SIPA1L3: variants seen among roughly 807,000 people sequenced by gnomAD.
The protein encoded by SIPA1L3 is signal induced proliferation associated 1 like 3.
In SIPA1L3, 59 loss-of-function variants were observed where a neutral mutation model predicts 150.1. That is an observed-to-expected ratio of 0.39 (90% CI 0.32 to 0.49). The LOEUF (loss-of-function observed/expected upper bound fraction) is 0.49. Among genes scored for constraint, SIPA1L3 ranks in the 20% least tolerant of loss-of-function variants. The pLI is 0.86. For missense variants in SIPA1L3, 2,211 were observed against 2,489.5 expected (o/e 0.89, Z 2.38); for synonymous variants, 1,070 against 1,077.6 (o/e 0.99, Z 0.14).
chr19:38,180,582 T>C (rs1295814241), intron 15 of SIPA1L3, among the ~76,000 whole-genome samples: 1 of 149,954 alleles, frequency 6.7e-6, no homozygotes, highest in Non-Finnish European at 1.5e-5. Context: ...TTTGCCCAGG[T>C]TGGAGTGCAA....
chr19:38,115,555 G>A (rs988715565), intron 8 of SIPA1L3, among the ~76,000 whole-genome samples: 4 of 152,172 alleles, frequency 2.6e-5, no homozygotes, highest in Admixed American at 6.5e-5. Flanking sequence ...CCAGGGCCCC[G>A]TGTGGCCTTG....
At chr19:38,157,470 C>T (rs1971974736) in intron 13 of SIPA1L3, among the ~76,000 whole-genome samples, 1 of 152,140 alleles carries the variant, frequency 6.6e-6, no homozygotes, top group East Asian at 1.9e-4. Context: ...CTGTTGGGTC[C>T]CAGAACCCCT....
chr19:37,927,521 C>CGTGTGTGTGTGTGTGT (rs144453861), intron 1 of SIPA1L3, among the ~76,000 whole-genome samples: 1 of 136,760 alleles, frequency 7.3e-6, no homozygotes, highest in Non-Finnish European at 1.6e-5. Flanking sequence ...GTCTGTTGTT[C>CGTGTGTGTGTGTGTGT]GTGTGTGTGT....
At chr19:38,090,330 C>CGA (rs1970232133) in intron 4 of SIPA1L3, among the ~76,000 whole-genome samples, 1 of 70,364 alleles carries the variant, frequency 1.4e-5, no homozygotes, top group Non-Finnish European at 3.0e-5. Context: ...AACTCCATCT[C>CGA]AAAAAAAAAA....
intron 7 of SIPA1L3, among the ~76,000 whole-genome samples, chr19:38,107,205 G>A (rs1970642287): frequency 1.3e-5 from 2 of 152,166 alleles, no homozygotes; most frequent in Non-Finnish European, 1.5e-5. Context: ...AAAGAGTGCT[G>A]TTTTTTCCAG....
chr19:38,059,270 G>A (rs1214753090), intron 2 of SIPA1L3, among the ~76,000 whole-genome samples: 3 of 147,998 alleles, frequency 2.0e-5, no homozygotes, highest in Non-Finnish European at 4.5e-5. Context: ...CAAAGGGCTT[G>A]TATTACAGGT....
Position 38,142,647 on chromosome 19 carries a change from C to A in SIPA1L3, c.3470C>A (p.Pro1157His). 1.2e-6 allele frequency: 2 copies of A among 1,614,110 alleles called. No homozygotes were observed. Among genetic ancestry groups the A allele is most frequent in the Non-Finnish European group, 1.7e-6 (2 of 1,179,984 alleles). Residue 1157 changes from proline to histidine, a missense_variant, in exon 12 of 22, where the codon CCT becomes CAT. Coordinates refer to ENST00000222345, the MANE Select transcript of SIPA1L3 (RefSeq NM_015073.3). ...GADRVPPYRQPSGSFSTPGSA... is the reference protein window; with the variant it reads ...GADRVPPYRQHSGSFSTPGSA... ...GACAGAGTCCCTCCCTACCGACAGC[C>A]TTCTGGGAGCTTCTCCACCCCCGGT...
rs1973096910 is a variant in SIPA1L3, at chr19:38,201,934, C to T, written c.5057C>T (p.Pro1686Leu). 6.2e-7 allele frequency: 1 copy of T among 1,614,064 alleles called. No individual in the cohort carries two copies. Among genetic ancestry groups the T allele is most frequent in the African/African-American group, 1.3e-5 (1 of 75,050 alleles). The change falls in exon 20 of 22, where the codon CCT (proline) becomes CTT (leucine). Residue 1686 changes from proline to leucine, a missense_variant. This residue lies in a region of SIPA1L3 where 806 missense variants were observed against 870.1 expected (regional missense o/e 0.93). Transcript: ENST00000222345. ...LSPDIPPAHS[P>L]VHSHLSLERG... is the part of the protein sequence containing the mutation. ...CCGGACATCCCGCCTGCACACAGTC[C>T]TGTCCACAGCCACCTGAGCCTGGAG...
At chr19:38,100,610 C>T (rs1970478543) in intron 5 of SIPA1L3, among the ~76,000 whole-genome samples, 1 of 152,176 alleles carries the variant, frequency 6.6e-6, no homozygotes, top group Non-Finnish European at 1.5e-5. Context: ...TCACCAGTGA[C>T]CAGGGGGATC....
intron 1 of SIPA1L3, among the ~76,000 whole-genome samples, chr19:37,937,756 A>AAAAAAAAAAAC: frequency 7.5e-6 from 1 of 133,076 alleles, no homozygotes; most frequent in Admixed American, 7.8e-5. Context: ...AAAAAAAAAA[A>AAAAAAAAAAAC]AAAAAAAAGA....
chr19:38,158,617 A>C (rs1381882208), intron 13 of SIPA1L3, among the ~76,000 whole-genome samples: 2 of 152,204 alleles, frequency 1.3e-5, no homozygotes, highest in African/African-American at 4.8e-5. Context: ...TGGGAGCAGG[A>C]CCAGGTGGGG....
intron 1 of SIPA1L3, among the ~76,000 whole-genome samples, chr19:37,912,555 G>T (rs903721456): frequency 6.6e-6 from 1 of 152,246 alleles, no homozygotes; most frequent in African/African-American, 2.4e-5. Flanking sequence ...GAGTGCAGTG[G>T]CGTCATCATA....
At chr19:38,057,468 T>C (rs1196484732) in intron 2 of SIPA1L3, among the ~76,000 whole-genome samples, 3 of 152,022 alleles carry the variant, frequency 2.0e-5, no homozygotes, top group Non-Finnish European at 4.4e-5. Context: ...TGCATCTGCA[T>C]AGCCTATAGA....
At chr19:38,078,434 A>ACATG (rs1258162331) in intron 2 of SIPA1L3, among the ~76,000 whole-genome samples, 1 of 133,532 alleles carries the variant, frequency 7.5e-6, no homozygotes, top group Non-Finnish European at 1.6e-5. Context: ...ACATGCGCAT[A>ACATG]CATGCACACA....
chr19:37,944,633 T>TAC (rs1249780996), intron 1 of SIPA1L3, among the ~76,000 whole-genome samples: 1 of 152,204 alleles, frequency 6.6e-6, no homozygotes, highest in African/African-American at 2.4e-5. Flanking sequence ...GATGGGGTTA[T>TAC]GTTCTGATGC....
chr19:38,015,198 C>T (rs2045109376), intron 1 of SIPA1L3, among the ~76,000 whole-genome samples: 2 of 152,150 alleles, frequency 1.3e-5, no homozygotes, highest in South Asian at 2.1e-4. Flanking sequence ...CTGGCTTATA[C>T]GTATATATGT....
intron 1 of SIPA1L3, among the ~76,000 whole-genome samples, chr19:37,912,080 A>AG (rs1314662905): frequency 3.9e-5 from 6 of 151,950 alleles, no homozygotes; most frequent in Admixed American, 3.9e-4. Flanking sequence ...TATAAAAAAA[A>AG]GAAAAAATTA....
chr19:37,913,292 G>T lies in SIPA1L3; in HGVS notation c.-379+5934G>T, dbSNP rs2046390854. Among the ~76,000 whole-genome samples, 4 of 152,108 alleles carry T rather than the reference G, an allele frequency of 2.6e-5. No homozygotes were observed. In the South Asian group the frequency reaches 8.3e-4, roughly 31 times the overall value. On this transcript the variant is annotated intron_variant, in intron 1 of 21. Transcript: ENST00000222345. The stretch of plus-strand genomic sequence containing the variant: ...TGTGTTGAGACCCTGCTGTGAGCCA[G>T]GGTCCTATCCTAGGCACTGAGGATT...
At chr19:38,079,608 G>A (rs1969931772) in intron 2 of SIPA1L3, among the ~76,000 whole-genome samples, 1 of 151,244 alleles carries the variant, frequency 6.6e-6, no homozygotes, top group African/African-American at 2.4e-5. Flanking sequence ...CCAGGCTGGA[G>A]TGCAGTGGTG....
Sources: allele counts gnomAD v4.1 joint callset (sites outside exome capture counted in the v4.1 genomes callset), GRCh38; gene constraint gnomAD v4.1.1; regional missense constraint gnomAD v4.1.1; transcripts MANE v1.5; gene names NCBI Gene and HGNC (gene_info 2026-07-23, HGNC 2026-07-21).